Variants in RASA3 observed in about 807,000 individuals in gnomAD.
RASA3 encodes the protein RAS p21 protein activator 3, also known as ras GTPase-activating protein 3.
RASA3 carries 73 observed loss-of-function variants against 110.0 expected under a neutral mutation model. The observed-to-expected ratio is 0.66, with a 90% confidence interval of 0.55 to 0.81. RASA3 has a LOEUF of 0.81. RASA3 is among the 30% of genes least tolerant of loss of function. The pLI, the probability that RASA3 is intolerant of heterozygous loss-of-function variation, is 0.00. For missense variants in RASA3, 976 were observed against 1,113.2 expected, an observed-to-expected ratio of 0.88 and a Z score of 1.75; for synonymous variants, 500 against 451.4, an observed-to-expected ratio of 1.11 and a Z score of -1.37.
intron 1 of RASA3, among the ~76,000 whole-genome samples, chr13:114,110,705 C>T (rs891132604): frequency 2.0e-5 from 3 of 152,262 alleles, no homozygotes; most frequent in African/African-American, 7.2e-5. Flanking sequence ...CTGCACAGGG[C>T]ATGACACGCA....
intron 1 of RASA3, among the ~76,000 whole-genome samples, chr13:114,094,690 C>T (rs1044439042): frequency 3.3e-5 from 5 of 152,222 alleles, no homozygotes; most frequent in African/African-American, 1.2e-4. Flanking sequence ...GCATCACATT[C>T]TACCTGACAT....
At chr13:114,003,959 A>C (rs768156823) in intron 18 of RASA3, among the ~76,000 whole-genome samples, 4 of 152,234 alleles carry the variant, frequency 2.6e-5, no homozygotes, top group Non-Finnish European at 5.9e-5. Context: ...GCAGAAAGTA[A>C]AAATTGCCTC....
rs372146919 is a variant in RASA3 at position 114,052,100 on chromosome 13, A to C, written c.229T>G (p.Ser77Ala). The C allele has an allele frequency of 1.6e-5, 26 of 1,613,448 alleles. No individual in the cohort carries two copies. Among genetic ancestry groups the C allele is most frequent in the Non-Finnish European group, 2.0e-5 (24 of 1,179,768 alleles). ...ACGTCTCTATCGAAAATGTAGAAGG[A>C]CAGGTGACGAAAGCTCCGAGGAATT... ...CEIPRSFRHL[S>A]FYIFDRDVFR... is the part of the protein sequence containing the mutation. The change falls in exon 3 of 24, where the codon TCC becomes GCC. Residue 77 changes from serine to alanine, a missense_variant. By Grantham distance (99) the Ser-to-Ala change is moderately conservative. Coordinates refer to ENST00000334062, the MANE Select transcript of RASA3 (RefSeq NM_007368.4).
rs148157212 is a variant in RASA3, at chr13:114,017,702, C to G, written c.1092-351G>C. The stretch of plus-strand genomic sequence containing the variant: ...CAGCATCCAAGGGCCAGCAGAGAAG[C>G]AAACCCTCCTGTCAGCTACAGTGGC... On this transcript the variant is annotated intron_variant, in intron 11 of 23. Coordinates refer to ENST00000334062, the MANE Select transcript of RASA3 (RefSeq NM_007368.4). 2.0e-3 allele frequency among the ~76,000 whole-genome samples: 301 copies of G among 152,356 alleles called. 1 individual carries two copies. The highest frequency in any genetic ancestry group is 6.8e-3 in the African/African-American group (282 of 41,586).
At chr13:114,055,063 T>C (rs1477287727) in intron 2 of RASA3, among the ~76,000 whole-genome samples, 1 of 152,000 alleles carries the variant, frequency 6.6e-6, no homozygotes, top group Non-Finnish European at 1.5e-5. Context: ...TGTACGTGTG[T>C]GCCCACAGGC....
At position 114,053,220 on chromosome 13, in the gene RASA3, T is replaced by G. The variant is rs1215091635; in HGVS notation, c.174-1065A>C. Among the ~76,000 whole-genome samples the G allele has an allele frequency of 3.7e-5, 4 of 107,336 alleles. No homozygotes were observed. The East Asian group carries it at 9.9e-4, about 26-fold the overall frequency. The allele number at this position is 107,336 out of a possible 152,430, so 70.4% of individuals were successfully genotyped here. A position where few individuals can be genotyped will look rare whatever the true frequency, so the allele number is the denominator to read the frequency against. On this transcript the variant is annotated intron_variant, in intron 2 of 23. Transcript: ENST00000334062. ...CCCGCTGCTGACTGTGCTTACAGAG[T>G]GCATGGCTCAGGCCGCCCATGCGTG... is the stretch of plus-strand genomic sequence containing the variant.
Position 114,027,437 on chromosome 13 carries a change from C to A in RASA3, c.555G>T (p.Val185=). The part of the protein sequence containing the change: ...PFRSEAKKTK[V]KRKTNNPQFD... ...ACTGGGGATTGTTGGTCTTCCTCTTCACTTTCGTCTTCTTTGCTTCTGATC... is the reference window on the plus strand; with the variant it reads ...ACTGGGGATTGTTGGTCTTCCTCTTAACTTTCGTCTTCTTTGCTTCTGATC... The change falls in exon 7 of 24, where the codon GTG becomes GTT. Residue 185 remains valine, a synonymous_variant. Transcript: ENST00000334062. 6.2e-7 allele frequency: 1 copy of A among 1,613,236 alleles called. No homozygotes were observed. Among genetic ancestry groups the A allele is most frequent in the Non-Finnish European group, 8.5e-7 (1 of 1,179,230 alleles).
chr13:114,009,369 G>C lies in RASA3; in HGVS notation c.1668+18C>G. On this transcript the variant is annotated intron_variant, in intron 17 of 23. Transcript: ENST00000334062. ...TGAGCACGGCACACGGGCGGTCGGAGGGTGAGTCGATACTTACGTTCTTCA... is the reference window on the plus strand; with the variant it reads ...TGAGCACGGCACACGGGCGGTCGGACGGTGAGTCGATACTTACGTTCTTCA... 1.3e-6 allele frequency: 2 copies of C among 1,598,498 alleles called. No homozygotes were observed. Among genetic ancestry groups the C allele is most frequent in the Non-Finnish European group, 1.7e-6 (2 of 1,167,062 alleles).
rs1566535549 is a variant in RASA3, at chr13:114,056,500, G to A, written c.174-4345C>T. On this transcript the variant is annotated intron_variant, in intron 2 of 23. Coordinates refer to ENST00000334062, the MANE Select transcript of RASA3 (RefSeq NM_007368.4). The surrounding 1 kb of genome is among the most constrained non-coding windows in gnomAD (Gnocchi z 5.7). The stretch of plus-strand genomic sequence containing the variant: ...GGCTGAGAGTGCGGCGTCCCTGGGC[G>A]CTGCCCGGTAGCGGGGTGTTCAGTT... The A allele has an allele frequency of 1.6e-5, 16 of 985,342 alleles. 1 individual carries two copies. The highest frequency in any genetic ancestry group is 9.4e-5 in the South Asian group (2 of 21,290). The allele number at this position is 985,342 out of a possible 1,614,324, so 61.0% of individuals were successfully genotyped here.
chr13:114,125,798 C>G (rs1042032003), intron 1 of RASA3, among the ~76,000 whole-genome samples: 1 of 152,142 alleles, frequency 6.6e-6, no homozygotes, highest in African/African-American at 2.4e-5. Flanking sequence ...CTCTGACCCG[C>G]GGCTGCGTAA....
chr13:114,064,846 G>T (rs1330178667), intron 2 of RASA3, among the ~76,000 whole-genome samples: 1 of 152,232 alleles, frequency 6.6e-6, no homozygotes, highest in East Asian at 1.9e-4. Flanking sequence ...ACCGCCCGAG[G>T]GCTCTGGAAC....
At chr13:114,015,102 G>A (rs988997762) in intron 14 of RASA3, 107 bp downstream of exon 14, 38 of 1,448,428 alleles carry the variant, frequency 2.6e-5, no homozygotes, top group South Asian at 2.6e-4. Flanking sequence ...TCACGACCCC[G>A]CAGTTCTAGT....
intron 3 of RASA3, among the ~76,000 whole-genome samples, chr13:114,043,118 C>A (rs1428033622): frequency 1.3e-5 from 2 of 149,490 alleles, no homozygotes; most frequent in Non-Finnish European, 3.0e-5. Context: ...CACCAGGCCC[C>A]TCCTTTGTCT....
At chr13:114,098,519 G>A (rs1268035473) in intron 1 of RASA3, among the ~76,000 whole-genome samples, 1 of 152,208 alleles carries the variant, frequency 6.6e-6, no homozygotes, top group Non-Finnish European at 1.5e-5. Context: ...GTGCAGCAGG[G>A]CTGCAGCCCT....
chr13:113,988,806 T>C (rs1434584354), intron 22 of RASA3, among the ~76,000 whole-genome samples: 1 of 134,474 alleles, frequency 7.4e-6, no homozygotes, highest in Non-Finnish European at 1.6e-5. Context: ...CACCCATCAC[T>C]CAACCATCTG....
chr13:114,004,703 G>T (rs865984579), intron 18 of RASA3, among the ~76,000 whole-genome samples: 2 of 152,184 alleles, frequency 1.3e-5, no homozygotes, highest in East Asian at 3.9e-4. Context: ...GGAAATTAGC[G>T]CTTAAGGAAA....
At chr13:114,075,418 G>T (rs536351650) in intron 1 of RASA3, among the ~76,000 whole-genome samples, 10 of 152,238 alleles carry the variant, frequency 6.6e-5, no homozygotes, top group Non-Finnish European at 1.5e-4. Flanking sequence ...CTGTGAGAAG[G>T]AGCAGAAGCC....
intron 1 of RASA3, among the ~76,000 whole-genome samples, chr13:114,082,269 A>G (rs1221743927): frequency 1.3e-5 from 2 of 152,356 alleles, no homozygotes; most frequent in Admixed American, 6.5e-5. Flanking sequence ...CAGCAGAGCC[A>G]GAGCTGCAGC....
intron 3 of RASA3, among the ~76,000 whole-genome samples, 197 bp downstream of exon 3, chr13:114,051,855 T>C (rs1447902359): frequency 4.6e-5 from 7 of 152,178 alleles, no homozygotes; most frequent in Non-Finnish European, 1.0e-4. Context: ...CTGAGCCTGG[T>C]GTGATGCTCT....
Sources: gnomAD v4.1 joint callset for allele counts (sites outside exome capture counted in the v4.1 genomes callset) on GRCh38, gnomAD v4.1.1 for gene constraint, Gnocchi (gnomAD v3.1) non-coding constraint, MANE v1.5 for transcripts, NCBI Gene and HGNC (gene_info 2026-07-23, HGNC 2026-07-21) for gene names.